The following STYXL2 variants were observed in gnomAD, a reference collection of about 807,000 sequenced individuals.
STYXL2 encodes the protein serine/threonine/tyrosine-interacting-like protein 2.
Under a neutral mutation model 52.4 loss-of-function variants are expected in STYXL2, and 44 were observed. That is an observed-to-expected ratio of 0.84 (90% CI 0.66 to 1.08). The LOEUF is 1.08. Ranked by LOEUF, STYXL2 falls within the 50% of genes least tolerant of loss-of-function variation. The pLI, the probability that STYXL2 is intolerant of heterozygous loss-of-function variation, is 0.00. For synonymous variants in STYXL2, 604 were observed against 586.9 expected (o/e 1.03, Z -0.42); for missense variants, 1,604 against 1,471.7 (o/e 1.09, Z -1.47).
intron 3 of STYXL2, 123 bp from the exon 4 acceptor site, chr1:167,117,205 G>A: frequency 1.2e-6 from 1 of 838,468 alleles, no homozygotes; most frequent in Non-Finnish European, 1.9e-6. Flanking sequence ...GGGAGATCCT[G>A]CTGGCATTCA....
At chr1:167,096,332 G>A (rs528884114) in intron 2 of STYXL2, among the ~76,000 whole-genome samples, 2 of 152,300 alleles carry the variant, frequency 1.3e-5, no homozygotes, top group African/African-American at 4.8e-5. Flanking sequence ...TTTAACATAG[G>A]TCCTCCTCTC....
In STYXL2 at chr1:167,126,031, C is replaced by A. The variant is rs1459036768; in HGVS notation, c.900C>A (p.Gly300=). Residue 300 remains glycine, a synonymous_variant, in exon 6 of 6, where the codon GGC becomes GGA. Transcript: ENST00000361200. Reference sequence around the variant, plus strand: ...CAGCTGAGGCTGAGGAGGGCGAGGGCACTGGGAGCATGCTCGGGGCCAGAG... The same window carrying A: ...CAGCTGAGGCTGAGGAGGGCGAGGGAACTGGGAGCATGCTCGGGGCCAGAG... The part of the protein sequence containing the change: ...GGSAEAEEGE[G]TGSMLGARVH... The A allele has an allele frequency of 6.3e-7, 1 of 1,593,190 alleles. No homozygotes were observed. Among genetic ancestry groups the A allele is most frequent in the Non-Finnish European group, 8.5e-7 (1 of 1,170,188 alleles).
At position 167,119,236 on chromosome 1, in the gene STYXL2, C is replaced by A. The variant is rs1410244; in HGVS notation, c.438-13C>A. On this transcript the variant is annotated splice_polypyrimidine_tract_variant and intron_variant, in intron 4 of 5. Transcript: ENST00000361200. ...TCCGACTCTTGCAAACAGGTCCCTGCCTCTTCCCGCAGGAGTGTGGCTGTG... is the reference window on the plus strand; with the variant it reads ...TCCGACTCTTGCAAACAGGTCCCTGACTCTTCCCGCAGGAGTGTGGCTGTG... 436,597 of 1,612,232 alleles carry A rather than the reference C, an allele frequency of 0.27. 65,537 individuals are homozygous for A. Among genetic ancestry groups the A allele is most frequent in the East Asian group, 0.73 (32,766 of 44,822 alleles).
chr1:167,118,224 C>A (rs574855767), intron 4 of STYXL2, among the ~76,000 whole-genome samples: 1 of 152,232 alleles, frequency 6.6e-6, no homozygotes, highest in Non-Finnish European at 1.5e-5. Context: ...AGTTTATCAG[C>A]GGTTTCCAGA....
chr1:167,109,366 G>A (rs1667570169), intron 2 of STYXL2, among the ~76,000 whole-genome samples: 1 of 152,180 alleles, frequency 6.6e-6, no homozygotes, highest in South Asian at 2.1e-4. Flanking sequence ...AAGTGAGACT[G>A]GCCTTGCTGG....
At chr1:167,116,301 G>C (rs1204688310) in intron 3 of STYXL2, among the ~76,000 whole-genome samples, 1 of 152,170 alleles carries the variant, frequency 6.6e-6, no homozygotes, top group Non-Finnish European at 1.5e-5. Flanking sequence ...ATTGGGGTTT[G>C]AGTTCATCTG....
At position 167,128,500 on chromosome 1, in the gene STYXL2, C is replaced by A; in HGVS notation, c.3369C>A (p.Ser1123Arg). ...GACGGCGGTCCCAGTATCGGAGAAG[C>A]ACTGACAGGGAGGAAGAGGAAGAAA... ...ASGRRSQYRR[S>R]TDREEEEEMD... The change falls in exon 6 of 6, where the codon AGC (serine) becomes AGA (arginine). Residue 1123 changes from serine (S) to arginine (R), a missense_variant. Transcript: ENST00000361200. 1 of 1,613,840 alleles carries A rather than the reference C, an allele frequency of 6.2e-7. No homozygotes were observed. The highest frequency in any genetic ancestry group is 8.5e-7 in the Non-Finnish European group (1 of 1,179,942).
rs1445091572 is a variant in STYXL2, at chr1:167,117,337, C to T, written c.215C>T (p.Pro72Leu). Residue 72 changes from proline (P) to leucine (L), a missense_variant, in exon 4 of 6, where the codon CCA becomes CTA. By Grantham distance (98) the Pro-to-Leu change is moderately conservative. Coordinates refer to ENST00000361200, the MANE Select transcript of STYXL2 (RefSeq NM_001080426.3). The part of the protein sequence containing the change: ...AKQIINEELK[P>L]PGVRADAECP... Reference sequence around the variant, plus strand: ...TGCCTGTCTCCTCTAGAACTCAAGCCACCGGGGGTCAGAGCAGACGCAGAG... The same window carrying T: ...TGCCTGTCTCCTCTAGAACTCAAGCTACCGGGGGTCAGAGCAGACGCAGAG... 6.2e-7 allele frequency: 1 copy of T among 1,607,116 alleles called. No homozygotes were observed.
chr1:167,103,245 C>A (rs1312604366), intron 2 of STYXL2, among the ~76,000 whole-genome samples: 1 of 152,180 alleles, frequency 6.6e-6, no homozygotes, highest in Non-Finnish European at 1.5e-5. Context: ...CTTAATTACT[C>A]CTGCAATGAT....
intron 5 of STYXL2, among the ~76,000 whole-genome samples, chr1:167,119,908 GGAA>G (rs1326275977): frequency 4.6e-5 from 7 of 152,174 alleles, no homozygotes; most frequent in African/African-American, 1.4e-4. Flanking sequence ...TGGGAGAACT[GGAA>G]GAAGAGCATT....
chr1:167,105,731 T>G (rs1467055603), intron 2 of STYXL2, among the ~76,000 whole-genome samples: 1 of 152,240 alleles, frequency 6.6e-6, no homozygotes, highest in African/African-American at 2.4e-5. Flanking sequence ...AACAGTTTTA[T>G]GACTATTAGG....
chr1:167,098,730 G>A (rs1016138397), intron 2 of STYXL2, among the ~76,000 whole-genome samples: 9 of 152,166 alleles, frequency 5.9e-5, no homozygotes, highest in East Asian at 1.9e-4. Context: ...GCATCTTCAC[G>A]TTTGGCAGTT....
intron 2 of STYXL2, among the ~76,000 whole-genome samples, chr1:167,096,236 C>T (rs183331662): frequency 1.3e-3 from 201 of 151,796 alleles, no homozygotes; most frequent in African/African-American, 4.5e-3. Context: ...TCAGCCTGGG[C>T]GACAGAGCGA....
intron 4 of STYXL2, among the ~76,000 whole-genome samples, chr1:167,118,740 AT>A (rs983342030): frequency 1.3e-5 from 2 of 152,214 alleles, no homozygotes; most frequent in African/African-American, 4.8e-5. Flanking sequence ...TTGGGAAGTT[AT>A]AAGAGCTCTC....
intron 3 of STYXL2, among the ~76,000 whole-genome samples, chr1:167,114,648 T>C (rs1329820009): frequency 2.0e-5 from 3 of 152,248 alleles, no homozygotes; most frequent in East Asian, 1.9e-4. Context: ...TAGAGGACAT[T>C]TGGACCTCTT....
chr1:167,128,724 C>T lies in STYXL2; in HGVS notation c.*116C>T, dbSNP rs1571352159. On this transcript the variant is annotated 3_prime_UTR_variant, in exon 6 of 6. Coordinates refer to ENST00000361200, the MANE Select transcript of STYXL2 (RefSeq NM_001080426.3). ...ATACAGAGAGGATCTTCCAGAGGGG[C>T]AGAGCCAAAATGAGAGGTACCAAGC... 5.6e-6 allele frequency: 8 copies of T among 1,438,578 alleles called. No homozygotes were observed. The highest frequency in any genetic ancestry group is 7.3e-6 in the Non-Finnish European group (8 of 1,101,198). The allele number at this position is 1,438,578 out of a possible 1,614,324, so 89.1% of individuals were successfully genotyped here.
intron 2 of STYXL2, among the ~76,000 whole-genome samples, chr1:167,096,954 A>G (rs1229669272): frequency 6.6e-6 from 1 of 152,226 alleles, no homozygotes. Context: ...AATGCAACAC[A>G]TTATGGTCGG....
chr1:167,117,311 C>T lies in STYXL2; in HGVS notation c.206-17C>T. ...TGTTCCTAACTCTCTGATGAGAATG[C>T]TGCCTGTCTCCTCTAGAACTCAAGC... is the stretch of plus-strand genomic sequence containing the variant. On this transcript the variant is annotated splice_polypyrimidine_tract_variant and intron_variant, in intron 3 of 5. Coordinates refer to ENST00000361200, the MANE Select transcript of STYXL2 (RefSeq NM_001080426.3). The T allele has an allele frequency of 3.2e-6, 5 of 1,586,608 alleles. No homozygotes were observed. Among genetic ancestry groups the T allele is most frequent in the Non-Finnish European group, 4.3e-6 (5 of 1,164,810 alleles).
At chr1:167,101,400 T>C (rs1667400489) in intron 2 of STYXL2, among the ~76,000 whole-genome samples, 1 of 152,182 alleles carries the variant, frequency 6.6e-6, no homozygotes, top group African/African-American at 2.4e-5. Context: ...ATAGTCCATT[T>C]TACAGTTTTT....
Sources: allele counts gnomAD v4.1 joint callset (sites outside exome capture counted in the v4.1 genomes callset), GRCh38; gene constraint gnomAD v4.1.1; transcripts MANE v1.5; gene names NCBI Gene and HGNC (gene_info 2026-07-23, HGNC 2026-07-21).